Variants in PDE7B observed in about 807,000 individuals in gnomAD.
PDE7B encodes phosphodiesterase 7B.
Under a neutral mutation model 56.2 loss-of-function variants are expected in PDE7B, and 29 were observed. The observed-to-expected ratio is 0.52, with a 90% CI of 0.38 to 0.70. The LOEUF (loss-of-function observed/expected upper bound fraction) is 0.70. PDE7B is among the 30% of genes least tolerant of loss of function. The pLI, the probability that PDE7B is intolerant of heterozygous loss-of-function variation, is 0.00. For synonymous variants in PDE7B, 197 were observed against 196.9 expected (o/e 1.00, Z 0.00); for missense variants, 490 against 565.0 (o/e 0.87, Z 1.35).
chr6:135,863,102 T>C (rs1325109361), intron 1 of PDE7B, among the ~76,000 whole-genome samples: 1 of 151,998 alleles, frequency 6.6e-6, no homozygotes, highest in Non-Finnish European at 1.5e-5. Context: ...ACGTATTACA[T>C]GTGCTTGAAG....
At chr6:136,186,315 C>A (rs1055128988) in intron 11 of PDE7B, among the ~76,000 whole-genome samples, 1 of 152,002 alleles carries the variant, frequency 6.6e-6, no homozygotes, top group Admixed American at 6.5e-5. Flanking sequence ...GTAGTCCAAG[C>A]TACTTGGGAG....
chr6:136,089,384 TG>T (rs1777347977), intron 2 of PDE7B, among the ~76,000 whole-genome samples: 2 of 152,210 alleles, frequency 1.3e-5, no homozygotes, highest in Admixed American at 1.3e-4. Context: ...AATGGTTCCA[TG>T]CTATTAAAAA....
chr6:135,939,602 C>T (rs1227573860), intron 1 of PDE7B, among the ~76,000 whole-genome samples: 1 of 152,098 alleles, frequency 6.6e-6, no homozygotes, highest in Non-Finnish European at 1.5e-5. Context: ...GACTATGCCA[C>T]CCACATGGTA....
At chr6:136,095,245 AAC>A (rs1777454281) in intron 2 of PDE7B, among the ~76,000 whole-genome samples, 1 of 152,196 alleles carries the variant, frequency 6.6e-6, no homozygotes, top group Non-Finnish European at 1.5e-5. Flanking sequence ...AACACACTTT[AAC>A]ACTGACCTAG....
chr6:136,091,543 T>C (rs1484885391), intron 2 of PDE7B, among the ~76,000 whole-genome samples: 5 of 152,202 alleles, frequency 3.3e-5, no homozygotes, highest in African/African-American at 1.2e-4. Context: ...GACCCACACC[T>C]CACCTTACTT....
chr6:136,060,595 C>T (rs1299090613), intron 2 of PDE7B, among the ~76,000 whole-genome samples: 1 of 152,132 alleles, frequency 6.6e-6, no homozygotes, highest in Non-Finnish European at 1.5e-5. Flanking sequence ...TTTAGATTAG[C>T]TCCTTAATTC....
intron 1 of PDE7B, among the ~76,000 whole-genome samples, chr6:135,886,517 C>T (rs909054282): frequency 1.7e-4 from 18 of 107,026 alleles, no homozygotes; most frequent in Non-Finnish European, 2.9e-4. Context: ...TTTTATCCCT[C>T]ACTCCCCTCT....
At chr6:135,966,973 T>C (rs1266314324) in intron 2 of PDE7B, among the ~76,000 whole-genome samples, 4 of 152,146 alleles carry the variant, frequency 2.6e-5, no homozygotes, top group Non-Finnish European at 5.9e-5. Context: ...TCTAGCATTA[T>C]ACAGTCAGCC....
chr6:135,865,557 G>T (rs1336886941), intron 1 of PDE7B, among the ~76,000 whole-genome samples: 2 of 151,450 alleles, frequency 1.3e-5, no homozygotes, highest in Non-Finnish European at 2.9e-5. Context: ...GCTGCTGCTG[G>T]TTGAATCAAA....
intron 2 of PDE7B, among the ~76,000 whole-genome samples, chr6:136,066,471 C>T (rs1365680615): frequency 6.6e-6 from 1 of 152,064 alleles, no homozygotes; most frequent in East Asian, 1.9e-4. Flanking sequence ...GATTCAAAGC[C>T]CTTAGAGAAC....
At chr6:135,923,458 G>T (rs1774128816) in intron 1 of PDE7B, among the ~76,000 whole-genome samples, 1 of 152,174 alleles carries the variant, frequency 6.6e-6, no homozygotes, top group South Asian at 2.1e-4. Context: ...TATTATATAT[G>T]AAATGTTTAG....
At chr6:135,853,176 G>A (rs192228082) in intron 1 of PDE7B, among the ~76,000 whole-genome samples, 26 of 152,136 alleles carry the variant, frequency 1.7e-4, no homozygotes, top group African/African-American at 5.5e-4. Context: ...ATTTCTAACC[G>A]ATTTTCTTAA....
intron 2 of PDE7B, among the ~76,000 whole-genome samples, chr6:135,989,340 G>T (rs1181768684): frequency 6.6e-6 from 1 of 152,124 alleles, no homozygotes; most frequent in Admixed American, 6.6e-5. Context: ...AGGGCCGAGC[G>T]CGATGGCTCA....
Position 136,032,862 on chromosome 6 carries a change from A to T in PDE7B, c.83-75869A>T, listed in dbSNP as rs4398759. On this transcript the variant is annotated intron_variant, in intron 2 of 12. Coordinates refer to ENST00000308191, the MANE Select transcript of PDE7B (RefSeq NM_018945.4). The stretch of plus-strand genomic sequence containing the variant: ...CAAGATCCCAGTGTGATGGATAAAA[A>T]GTTGCCATCATACCCATTTATAGAT... 3.7e-3 allele frequency among the ~76,000 whole-genome samples: 571 copies of T among 152,358 alleles called. 7 individuals carry two copies. The highest frequency in any genetic ancestry group is 0.012 in the African/African-American group (506 of 41,586).
chr6:136,103,694 G>A (rs1236764570), intron 2 of PDE7B, among the ~76,000 whole-genome samples: 1 of 152,144 alleles, frequency 6.6e-6, no homozygotes, highest in African/African-American at 2.4e-5. Context: ...TGGTTCCTTA[G>A]TGATGCCCCT....
chr6:136,049,749 G>A (rs1322029170), intron 2 of PDE7B, among the ~76,000 whole-genome samples: 1 of 152,190 alleles, frequency 6.6e-6, no homozygotes, highest in Non-Finnish European at 1.5e-5. Flanking sequence ...TAGTCAAATT[G>A]GCTTGGCACA....
At chr6:135,936,684 G>T (rs553945594) in intron 1 of PDE7B, among the ~76,000 whole-genome samples, 1 of 152,306 alleles carries the variant, frequency 6.6e-6, no homozygotes, top group South Asian at 2.1e-4. Context: ...TGCTCTTCCA[G>T]CAGTTTCTGA....
chr6:136,173,994 G>A (rs1395048665), intron 9 of PDE7B, 106 bp downstream of exon 9: 13 of 769,638 alleles, frequency 1.7e-5, no homozygotes, highest in Admixed American at 3.9e-5. Flanking sequence ...AGAGCCCCCC[G>A]GCTGTACTTC....
At chr6:136,045,090 C>G (rs1269396184) in intron 2 of PDE7B, among the ~76,000 whole-genome samples, 1 of 150,622 alleles carries the variant, frequency 6.6e-6, no homozygotes, top group African/African-American at 2.4e-5. Flanking sequence ...GTAACTGAAA[C>G]TGTGTACTGT....
Sources: allele counts gnomAD v4.1 joint callset (sites outside exome capture counted in the v4.1 genomes callset), GRCh38; gene constraint gnomAD v4.1.1; transcripts MANE v1.5; gene names NCBI Gene and HGNC (gene_info 2026-07-23, HGNC 2026-07-21).